The following FAM168A variants were observed in gnomAD, a reference collection of about 807,000 sequenced individuals.
The protein encoded by FAM168A is protein FAM168A.
In FAM168A, 3 loss-of-function variants were observed where a neutral mutation model predicts 28.5. The observed-to-expected ratio is 0.11, with a 90% confidence interval of 0.05 to 0.27. The LOEUF is 0.27. Ranked by LOEUF, FAM168A falls within the 10% of genes least tolerant of loss-of-function variation. The pLI is 1.00. For missense variants in FAM168A, 222 were observed against 311.5 expected (o/e 0.71, Z 2.16); for synonymous variants, 122 against 124.2 (o/e 0.98, Z 0.12).
intron 2 of FAM168A, among the ~76,000 whole-genome samples, chr11:73,451,793 A>G (rs532096756): frequency 6.6e-6 from 1 of 152,344 alleles, no homozygotes; most frequent in Admixed American, 6.5e-5. Flanking sequence ...CACAACAACA[A>G]AACTGCCTAA....
intron 1 of FAM168A, among the ~76,000 whole-genome samples, chr11:73,483,829 G>A (rs539761404): frequency 6.6e-6 from 1 of 152,174 alleles, no homozygotes; most frequent in South Asian, 2.1e-4. Flanking sequence ...GGGAGATGAT[G>A]GTTGCTGTGA....
At chr11:73,468,306 C>T (rs1253025695) in intron 2 of FAM168A, 99 bp downstream of exon 2, 4 of 1,137,416 alleles carry the variant, frequency 3.5e-6, no homozygotes, top group Non-Finnish European at 3.8e-6. Context: ...CAAACTTTCC[C>T]AAGACTTTTG....
chr11:73,479,666 C>T (rs1183299411), intron 1 of FAM168A, among the ~76,000 whole-genome samples: 1 of 152,154 alleles, frequency 6.6e-6, no homozygotes, highest in Non-Finnish European at 1.5e-5. Context: ...CTCTACACTT[C>T]TATGTTATAA....
At chr11:73,523,237 T>C (rs1347162199) in intron 1 of FAM168A, among the ~76,000 whole-genome samples, 1 of 152,206 alleles carries the variant, frequency 6.6e-6, no homozygotes, top group Non-Finnish European at 1.5e-5. Flanking sequence ...CCCCTAATTC[T>C]ACAGGCCTTA....
chr11:73,505,328 A>T (rs1369314831), intron 1 of FAM168A, among the ~76,000 whole-genome samples: 1 of 151,884 alleles, frequency 6.6e-6, no homozygotes, highest in Admixed American at 6.6e-5. Context: ...GTGTTCTTTG[A>T]AAATCACTAA....
chr11:73,586,880 C>A (rs1167011960), intron 1 of FAM168A, among the ~76,000 whole-genome samples: 1 of 152,036 alleles, frequency 6.6e-6, no homozygotes, highest in Non-Finnish European at 1.5e-5. Context: ...AGCACCAAGC[C>A]CAATTAATTT....
intron 1 of FAM168A, among the ~76,000 whole-genome samples, chr11:73,546,520 G>A (rs1266760845): frequency 6.6e-6 from 1 of 152,198 alleles, no homozygotes; most frequent in African/African-American, 2.4e-5. Context: ...ATGACCTGAG[G>A]TCAGGAGTTC....
intron 1 of FAM168A, among the ~76,000 whole-genome samples, chr11:73,530,355 C>T (rs929216237): frequency 1.3e-5 from 2 of 152,142 alleles, no homozygotes; most frequent in East Asian, 1.9e-4. Flanking sequence ...TAGGTTCTGC[C>T]GATAGAGGGT....
intron 1 of FAM168A, among the ~76,000 whole-genome samples, chr11:73,470,981 G>A (rs1185627729): frequency 6.6e-6 from 1 of 151,970 alleles, no homozygotes; most frequent in Non-Finnish European, 1.5e-5. Context: ...TCATGCCTGG[G>A]GTAGATCATG....
chr11:73,430,512 C>T (rs1042920408), intron 3 of FAM168A, 178 bp downstream of exon 3: 5 of 608,292 alleles, frequency 8.2e-6, no homozygotes, highest in African/African-American at 7.4e-5. Context: ...TCTATTCCCG[C>T]CCCTACCCTG....
intron 1 of FAM168A, among the ~76,000 whole-genome samples, chr11:73,575,252 T>G (rs374515061): frequency 1.5e-4 from 23 of 152,204 alleles, no homozygotes; most frequent in African/African-American, 5.1e-4. Flanking sequence ...TTTGGTGAGA[T>G]AATCAAAATA....
At chr11:73,494,047 T>G (rs889935033) in intron 1 of FAM168A, among the ~76,000 whole-genome samples, 1 of 152,202 alleles carries the variant, frequency 6.6e-6, no homozygotes, top group African/African-American at 2.4e-5. Context: ...TATTAACCTA[T>G]GGAGTGCCCC....
intron 3 of FAM168A, 180 bp downstream of exon 3, chr11:73,430,510 C>T (rs574128406): frequency 9.4e-5 from 55 of 587,586 alleles, no homozygotes; most frequent in Non-Finnish European, 1.1e-4. Context: ...ATTCTATTCC[C>T]GCCCCTACCC....
intron 2 of FAM168A, among the ~76,000 whole-genome samples, chr11:73,449,803 G>A (rs1406374355): frequency 1.3e-5 from 2 of 152,250 alleles, no homozygotes; most frequent in Admixed American, 1.3e-4. Context: ...TGGTAACAGT[G>A]AAGGCCAAAG....
chr11:73,565,918 G>A (rs931154143), intron 1 of FAM168A, among the ~76,000 whole-genome samples: 6 of 152,210 alleles, frequency 3.9e-5, no homozygotes, highest in African/African-American at 1.4e-4. Context: ...ACTTCCACAA[G>A]CCAGTGGCAG....
chr11:73,559,995 A>G (rs566265247), intron 1 of FAM168A, among the ~76,000 whole-genome samples: 2 of 152,348 alleles, frequency 1.3e-5, no homozygotes, highest in South Asian at 4.1e-4. Flanking sequence ...CTACTGCAGC[A>G]TTAAATAAAT....
At chr11:73,457,531 T>C (rs1867556116) in intron 2 of FAM168A, among the ~76,000 whole-genome samples, 1 of 151,074 alleles carries the variant, frequency 6.6e-6, no homozygotes, top group Non-Finnish European at 1.5e-5. Context: ...AGTGGGGATA[T>C]TTAAACAACA....
chr11:73,422,628 C>A (rs1304581266), intron 3 of FAM168A, among the ~76,000 whole-genome samples: 2 of 152,148 alleles, frequency 1.3e-5, no homozygotes, highest in East Asian at 3.8e-4. Flanking sequence ...GGCATGCCTG[C>A]CTTTGGGTGC....
chr11:73,439,287 C>T (rs910811005), intron 2 of FAM168A, among the ~76,000 whole-genome samples: 4 of 152,170 alleles, frequency 2.6e-5, no homozygotes, highest in Non-Finnish European at 5.9e-5. Flanking sequence ...GGCAAGGCAG[C>T]TCCTCCTGAG....
Sources: gnomAD v4.1 joint callset for allele counts (sites outside exome capture counted in the v4.1 genomes callset) on GRCh38, gnomAD v4.1.1 for gene constraint, MANE v1.5 for transcripts, NCBI Gene and HGNC (gene_info 2026-07-23, HGNC 2026-07-21) for gene names.